HOXC5: variants seen among roughly 807,000 people sequenced by gnomAD.
HOXC5 encodes the protein homeobox C5, also known as homeobox protein Hox-C5.
HOXC5 carries 19 observed loss-of-function variants against 20.1 expected under a neutral mutation model. The ratio of observed to expected loss-of-function variants is 0.94; its 90% confidence interval spans 0.66 to 1.38. HOXC5 has a LOEUF of 1.38. Among genes scored for constraint, HOXC5 ranks in the 40% most tolerant of loss-of-function variants. The probability of loss-of-function intolerance (pLI) is 0.00; values close to 1 mark genes in which losing one functional copy is unlikely to be tolerated. For missense variants in HOXC5, 330 were observed against 300.1 expected (o/e 1.10, Z -0.74); for synonymous variants, 124 against 117.0 (o/e 1.06, Z -0.39).
At chr12:54,026,205 C>T in the HOXC5 span, among the ~76,000 whole-genome samples, 11 of 152,284 alleles carry the variant, frequency 7.2e-5, no homozygotes, top group Admixed American at 7.2e-4. Context: ...AGGCTGGGAA[C>T]TCTGAGAGAG....
rs957414157 is a variant in HOXC5, at chr12:54,035,293, ATT to A, written c.*803_*804del. On this transcript the variant is annotated 3_prime_UTR_variant, in exon 2 of 2. Transcript: ENST00000312492. ...CCTGACCCATTGCTGTTGTCCAACTATTTATTGACTCTGGGTCCTTCCTGAAA... is the reference window on the plus strand; with the variant it reads ...CCTGACCCATTGCTGTTGTCCAACTATATTGACTCTGGGTCCTTCCTGAAA... The A allele has an allele frequency of 6.5e-6, 1 of 152,690 alleles. No homozygotes were observed. The highest frequency in any genetic ancestry group is 2.4e-5 in the African/African-American group (1 of 41,448). 9.5% of individuals were successfully genotyped at this position (152,690 alleles called of 1,614,324 possible).
the HOXC5 span, among the ~76,000 whole-genome samples, chr12:54,027,944 A>G: frequency 2.4e-4 from 36 of 152,150 alleles, no homozygotes; most frequent in Middle Eastern, 3.4e-3. Context: ...TAGTTTAGTG[A>G]TGGGACTCAC....
At chr12:54,019,179 C>T in the HOXC5 span, among the ~76,000 whole-genome samples, 202 of 133,294 alleles carry the variant, frequency 1.5e-3, 1 homozygote, top group African/African-American at 5.3e-3. Flanking sequence ...CCTCCCCCAC[C>T]CCCCCACCCC....
chr12:54,035,313 T>G lies in HOXC5; in HGVS notation c.*821T>G, dbSNP rs1167006639. ...CAACTATTTATTGACTCTGGGTCCT[T>G]CCTGAAACTATATTTTGTCATATCA... On this transcript the variant is annotated 3_prime_UTR_variant, in exon 2 of 2. Coordinates refer to ENST00000312492, the MANE Select transcript of HOXC5 (RefSeq NM_018953.4). The G allele has an allele frequency of 3.3e-5, 5 of 152,720 alleles. No homozygotes were observed. The highest frequency in any genetic ancestry group is 4.8e-5 in the African/African-American group (2 of 41,466). 9.5% of individuals were successfully genotyped at this position (152,720 alleles called of 1,614,324 possible).
At chr12:54,028,860 C>A (rs771424142), upstream of HOXC5, 1 of 1,613,984 alleles carries the variant, frequency 6.2e-7, no homozygotes, top group East Asian at 2.2e-5. Context: ...GGACTGCGCC[C>A]CAGGACCAGA....
At chr12:54,034,007 C>A (rs773034544) in intron 1 of HOXC5, 1 of 644,600 alleles carries the variant, frequency 1.6e-6, no homozygotes, top group Non-Finnish European at 2.9e-6. Flanking sequence ...GCTTATTGTT[C>A]GGTCCGAGCC....
At chr12:54,028,474 GA>G (rs768343504), upstream of HOXC5, 2 of 1,574,396 alleles carry the variant, frequency 1.3e-6, no homozygotes, top group Non-Finnish European at 1.7e-6. Flanking sequence ...ACTGGAGACA[GA>G]AATAAATATT....
At chr12:54,029,803 A>T (rs1358389786), upstream of HOXC5, 1 of 1,614,046 alleles carries the variant, frequency 6.2e-7, no homozygotes, top group Non-Finnish European at 8.5e-7. Context: ...TGACCGAGCG[A>T]CAGATCAAAA....
At chr12:54,024,653 T>A in the HOXC5 span, among the ~76,000 whole-genome samples, 3 of 152,202 alleles carry the variant, frequency 2.0e-5, no homozygotes, top group Admixed American at 2.0e-4. Flanking sequence ...TTCTTCAGGC[T>A]GGGTCCAGTC....
chr12:54,029,573 G>A (rs932549537), upstream of HOXC5: 4 of 1,448,968 alleles, frequency 2.8e-6, no homozygotes, highest in African/African-American at 4.2e-5. Context: ...AGGTTGGGAG[G>A]GTCAGGACTT....
At chr12:54,028,939 G>A (rs982131346), upstream of HOXC5, 2 of 1,588,246 alleles carry the variant, frequency 1.3e-6, no homozygotes, top group Admixed American at 1.8e-5. Context: ...TTACAGCTCC[G>A]AGATATAAAT....
chr12:54,030,098 C>T, upstream of HOXC5: 1 of 884,540 alleles, frequency 1.1e-6, no homozygotes, highest in Non-Finnish European at 1.7e-6. Context: ...GGGAGTCAAA[C>T]GTGGACCTGA....
chr12:54,027,339 C>T, the HOXC5 span, among the ~76,000 whole-genome samples: 2 of 152,144 alleles, frequency 1.3e-5, no homozygotes, highest in Non-Finnish European at 2.9e-5. Flanking sequence ...CCTCCACTGG[C>T]GGTGCCCTGA....
the HOXC5 span, among the ~76,000 whole-genome samples, chr12:54,023,133 C>G: frequency 1.3e-5 from 2 of 152,220 alleles, no homozygotes; most frequent in African/African-American, 4.8e-5. Context: ...TCCCCAAGCC[C>G]CCTCCTCAGC....
upstream of HOXC5, chr12:54,030,111 G>A: frequency 1.3e-6 from 1 of 747,288 alleles, no homozygotes. Flanking sequence ...GGACCTGAAA[G>A]TCAGCTCTGG....
At chr12:54,024,419 G>A in the HOXC5 span, among the ~76,000 whole-genome samples, 459 of 152,312 alleles carry the variant, frequency 3.0e-3, 3 homozygotes, top group African/African-American at 0.01. Context: ...GTATCTGTGT[G>A]CGAGGGTTGG....
At chr12:54,034,082 G>C (rs1369995963) in intron 1 of HOXC5, 196 bp from the exon 2 acceptor site, 1 of 715,770 alleles carries the variant, frequency 1.4e-6, no homozygotes, top group South Asian at 1.5e-5. Context: ...GGCTGCGGTG[G>C]AAAGTTTCCT....
chr12:54,033,183 A>G lies in HOXC5; in HGVS notation c.61A>G (p.Met21Val), dbSNP rs754101875. The G allele has an allele frequency of 5.0e-6, 8 of 1,614,174 alleles. No homozygotes were observed. The South Asian group carries it at 6.6e-5, about 13-fold the overall frequency. Reference protein sequence around the residue: ...KQSPNIPAYNMQTCGNYGSAS... With the variant: ...KQSPNIPAYNVQTCGNYGSAS... ...GAGCCCCAATATCCCTGCCTATAAC[A>G]TGCAAACTTGTGGGAACTATGGATC... The change falls in exon 1 of 2, where the codon ATG (methionine) becomes GTG (valine). Residue 21 changes from methionine (M) to valine (V), a missense_variant. By Grantham distance (21) the Met-to-Val change is conservative. Coordinates refer to ENST00000312492, the MANE Select transcript of HOXC5 (RefSeq NM_018953.4).
chr12:54,028,954 T>A, upstream of HOXC5: 1 of 1,568,434 alleles, frequency 6.4e-7, no homozygotes, highest in Non-Finnish European at 8.6e-7. Context: ...ATAAATTAAA[T>A]AAACTGAACT....
Sources: allele counts gnomAD v4.1 joint callset (sites outside exome capture counted in the v4.1 genomes callset), GRCh38; gene constraint gnomAD v4.1.1; transcripts MANE v1.5; gene names NCBI Gene and HGNC (gene_info 2026-07-23, HGNC 2026-07-21).